DNHD1: variants seen among roughly 807,000 people sequenced by gnomAD.
The protein encoded by DNHD1 is dynein heavy chain domain 1.
In DNHD1, 383 loss-of-function variants were observed where a neutral mutation model predicts 458.1. The observed-to-expected ratio is 0.84, with a 90% CI of 0.77 to 0.91. DNHD1 has a LOEUF of 0.91. Among genes scored for constraint, DNHD1 ranks in the 40% least tolerant of loss-of-function variants. The probability of loss-of-function intolerance (pLI) is 0.00; values close to 1 mark genes in which losing one functional copy is unlikely to be tolerated. For synonymous variants in DNHD1, 2,203 were observed against 2,376.9 expected, an observed-to-expected ratio of 0.93 and a Z score of 2.13; for missense variants, 5,336 against 5,866.1, an observed-to-expected ratio of 0.91 and a Z score of 2.95.
chr11:6,568,196 G>T lies in DNHD1; in HGVS notation c.12492G>T (p.Pro4164=). 1.3e-6 allele frequency: 2 copies of T among 1,552,380 alleles called. No homozygotes were observed. Among genetic ancestry groups the T allele is most frequent in the South Asian group, 1.2e-5 (1 of 84,148 alleles). The change falls in exon 37 of 43, where the codon CCG becomes CCT. Residue 4164 remains proline (P), a synonymous_variant. Coordinates refer to ENST00000254579, the MANE Select transcript of DNHD1 (RefSeq NM_144666.3). Reference sequence around the variant, plus strand: ...ACTGTCATCTGATGCCCCATTGGCCGAAAGAGCTGCTACAGCTCTTGCTGG... The same window carrying T: ...ACTGTCATCTGATGCCCCATTGGCCTAAAGAGCTGCTACAGCTCTTGCTGG... ...LDNCHLMPHW[P]KELLQLLLEL... is the part of the protein sequence containing the mutation.
At position 6,557,512 on chromosome 11, in the gene DNHD1, CAG is replaced by C. The variant is rs1400571401; in HGVS notation, c.8220_8221del (p.Arg2740SerfsTer40). 3 of 1,551,564 alleles carry C rather than the reference CAG, an allele frequency of 1.9e-6. No individual in the cohort carries two copies. The highest frequency in any genetic ancestry group is 2.6e-6 in the Non-Finnish European group (3 of 1,146,994). On this transcript the variant is annotated frameshift_variant, in exon 25 of 43. Transcript: ENST00000254579. LOFTEE classifies it high-confidence loss of function. ...EEEPYGLQVARVSNSRDPSLT... is the reference protein window; with the variant it reads ...EEEPYGLQVAXVSNSRDPSLT... ...AGGAACCTTATGGCCTTCAGGTCGCCAGAGTCTCAAACTCCAGAGATCCAAGT... is the reference window on the plus strand; with the variant it reads ...AGGAACCTTATGGCCTTCAGGTCGCCAGTCTCAAACTCCAGAGATCCAAGT...
At chr11:6,538,234 C>T (rs1347546306) in intron 14 of DNHD1, 149 bp from the exon 15 acceptor site, 1 of 653,598 alleles carries the variant, frequency 1.5e-6, no homozygotes, top group Non-Finnish European at 2.7e-6. Context: ...CATTGTTGAG[C>T]CAAACAATTT....
At position 6,571,176 on chromosome 11, in the gene DNHD1, TGTC is replaced by T; in HGVS notation, c.13666_13668del (p.Ser4556del). The T allele has an allele frequency of 6.2e-7, 1 of 1,604,446 alleles. No homozygotes were observed. Among genetic ancestry groups the T allele is most frequent in the Non-Finnish European group, 8.5e-7 (1 of 1,175,424 alleles). On this transcript the variant is annotated inframe_deletion, in exon 42 of 43. Transcript: ENST00000254579. This position sits in a 1 kb window ranked among gnomAD's most constrained non-coding sequence, Gnocchi z 5.0. ...CCGCCCTGGCACTGGCTGCGACAGT[TGTC>T]GCGCCGTGGGCAACTGTTGGTTCGT... is the stretch of plus-strand genomic sequence containing the variant.
intron 29 of DNHD1, 96 bp downstream of exon 29, chr11:6,563,227 A>G: frequency 1.3e-6 from 2 of 1,536,872 alleles, no homozygotes; most frequent in East Asian, 4.9e-5. Context: ...GTGACTCATC[A>G]TGGAATCTCC....
At chr11:6,566,072 C>G in intron 33 of DNHD1, 81 bp downstream of exon 33, 1 of 1,492,238 alleles carries the variant, frequency 6.7e-7, no homozygotes. Flanking sequence ...ACACCTCAGT[C>G]TAACTTCAGT....
Position 6,564,060 on chromosome 11 carries a change from A to G in DNHD1, c.10220A>G (p.Tyr3407Cys), listed in dbSNP as rs1271353164. ...CTCAGTCAAGCACAGTGTGGGCAGT[A>G]TCACAAATGGCCCATGAAGGCTGCA... Reference protein sequence around the residue: ...KTLSQAQCGQYHKWPMKAALL... With the variant: ...KTLSQAQCGQCHKWPMKAALL... The change falls in exon 31 of 43, where the codon TAT (tyrosine) becomes TGT (cysteine). Residue 3407 changes from tyrosine (Y) to cysteine (C), a missense_variant. By Grantham distance (194) the Tyr-to-Cys change is radical. Around this residue, in one of 4 missense-constraint regions of DNHD1, gnomAD observed 3,932 missense variants for 4,365.6 expected, o/e 0.90. Coordinates refer to ENST00000254579, the MANE Select transcript of DNHD1 (RefSeq NM_144666.3). 2.6e-6 allele frequency: 4 copies of G among 1,551,700 alleles called. No homozygotes were observed. The South Asian group carries it at 4.8e-5, about 18-fold the overall frequency.
chr11:6,530,575 C>T (rs1422799951), intron 12 of DNHD1, among the ~76,000 whole-genome samples: 4 of 152,174 alleles, frequency 2.6e-5, no homozygotes, highest in Non-Finnish European at 5.9e-5. Flanking sequence ...CTGTTGGACC[C>T]GTGGCTTCCC....
At position 6,563,241 on chromosome 11, in the gene DNHD1, G is replaced by A. The variant is rs913640165; in HGVS notation, c.9669+110G>A. The A allele has an allele frequency of 2.6e-6, 4 of 1,525,402 alleles. No homozygotes were observed. In the African/African-American group the frequency reaches 5.5e-5, roughly 21 times the overall value. 94.5% of individuals were successfully genotyped at this position (1,525,402 alleles called of 1,614,324 possible). On this transcript the variant is annotated intron_variant, in intron 29 of 42. Coordinates refer to ENST00000254579, the MANE Select transcript of DNHD1 (RefSeq NM_144666.3). The stretch of plus-strand genomic sequence containing the variant: ...AGTGACTCATCATGGAATCTCCTGG[G>A]GGGAGGGGACAAAGGTAATAGGATG...
chr11:6,509,394 C>T, intron 6 of DNHD1, 122 bp downstream of exon 6: 1 of 770,416 alleles, frequency 1.3e-6, no homozygotes, highest in Non-Finnish European at 2.0e-6. Flanking sequence ...ACCTTTAATC[C>T]TACCAACCAC....
At position 6,571,220 on chromosome 11, in the gene DNHD1, G is replaced by A. The variant is rs368148397; in HGVS notation, c.13708G>A (p.Ala4570Thr). ...QLLVRYLGVGADASSDVPERV... is the reference protein window; with the variant it reads ...QLLVRYLGVGTDASSDVPERV... The stretch of plus-strand genomic sequence containing the variant: ...GTTGGTTCGTTACTTGGGCGTGGGC[G>A]CGGACGCGAGCAGTGATGTACCAGA... Residue 4570 changes from alanine (A) to threonine (T), a missense_variant, in exon 42 of 43, where the codon GCG becomes ACG. Around this residue, in one of 4 missense-constraint regions of DNHD1, gnomAD observed 698 missense variants for 664.9 expected, o/e 1.05. Transcript: ENST00000254579. This position sits in a 1 kb window ranked among gnomAD's most constrained non-coding sequence, Gnocchi z 5.0. 3.1e-6 allele frequency: 5 copies of A among 1,610,076 alleles called. No individual in the cohort carries two copies. In the South Asian group the frequency reaches 3.3e-5, roughly 11 times the overall value.
chr11:6,570,116 T>C lies in DNHD1; in HGVS notation c.12955+16T>C. ...GAGCTGGCTGGTGAGACCCTTCCTC[T>C]CCCCCTTGGAGTCATCAGCCCCCAG... is the stretch of plus-strand genomic sequence containing the variant. On this transcript the variant is annotated intron_variant, in intron 40 of 42. Coordinates refer to ENST00000254579, the MANE Select transcript of DNHD1 (RefSeq NM_144666.3). 6.2e-7 allele frequency: 1 copy of C among 1,612,414 alleles called. No individual in the cohort carries two copies. Among genetic ancestry groups the C allele is most frequent in the Non-Finnish European group, 8.5e-7 (1 of 1,179,410 alleles).
Position 6,498,776 on chromosome 11 carries a change from A to C in DNHD1, c.561A>C (p.Pro187=). 6.2e-7 allele frequency: 1 copy of C among 1,614,218 alleles called. No homozygotes were observed. Residue 187 remains proline, a synonymous_variant, in exon 3 of 43, where the codon CCA becomes CCC. Transcript: ENST00000254579. Reference sequence around the variant, plus strand: ...AGGAGCTGGCCACCTGGCTGCGACCATTGACACTGCCTGAGCTACAGCGCT... The same window carrying C: ...AGGAGCTGGCCACCTGGCTGCGACCCTTGACACTGCCTGAGCTACAGCGCT... ...VKEELATWLR[P]LTLPELQRCL...
intron 4 of DNHD1, chr11:6,503,866 A>G (rs773277815): frequency 5.9e-5 from 9 of 152,224 alleles, no homozygotes; most frequent in Admixed American, 1.3e-4. Flanking sequence ...ACTCTTCAAT[A>G]TATTAGGCAT....
Position 6,570,612 on chromosome 11 carries a change from C to CAT in DNHD1, c.13106-6_13106-5insAT. On this transcript the variant is annotated splice_region_variant and splice_polypyrimidine_tract_variant and intron_variant, in intron 41 of 42. Transcript: ENST00000254579. ...TTGTCCCTCACCCCTCACCTCTATC[C>CAT]CCAAGAGCTAAGGGAGCTGGATGCA... The CAT allele has an allele frequency of 1.9e-6, 3 of 1,596,244 alleles. No homozygotes were observed. The highest frequency in any genetic ancestry group is 2.3e-5 in the South Asian group (2 of 88,378).
In DNHD1 at chr11:6,539,920, AC is replaced by A. The variant is rs1174575232; in HGVS notation, c.3466del (p.Arg1156GlyfsTer43). ...AACGAATTCATGCCCAAGAGACTAT[AC>A]GGCGGTTGCAGCGGTACTGGGAAGC... is the stretch of plus-strand genomic sequence containing the variant. Reference protein sequence around the residue: ...NERIHAQETIRRLQRYWEARQ... With the variant: ...NERIHAQETIXRLQRYWEARQ... On this transcript the variant is annotated frameshift_variant, in exon 18 of 43. Coordinates refer to ENST00000254579, the MANE Select transcript of DNHD1 (RefSeq NM_144666.3). 1.3e-6 allele frequency: 2 copies of A among 1,551,602 alleles called. No individual in the cohort carries two copies. The highest frequency in any genetic ancestry group is 1.7e-6 in the Non-Finnish European group (2 of 1,146,996).
In DNHD1 at chr11:6,498,758, G is replaced by A. The variant is rs1160296870; in HGVS notation, c.543G>A (p.Leu181=). The change falls in exon 3 of 43, where the codon CTG becomes CTA. Residue 181 remains leucine, a synonymous_variant. Transcript: ENST00000254579. The part of the protein sequence containing the change: ...QWSRQQVKEE[L]ATWLRPLTLP... ...GCAGGCAGCAAGTAAAGGAGGAGCT[G>A]GCCACCTGGCTGCGACCATTGACAC... 2 of 1,614,178 alleles carry A rather than the reference G, an allele frequency of 1.2e-6. No homozygotes were observed. The highest frequency in any genetic ancestry group is 1.7e-6 in the Non-Finnish European group (2 of 1,180,010).
chr11:6,531,602 A>G (rs1289840159), intron 12 of DNHD1, among the ~76,000 whole-genome samples: 1 of 152,236 alleles, frequency 6.6e-6, no homozygotes, highest in Admixed American at 6.5e-5. Flanking sequence ...CCAAAGGGAC[A>G]GTGTGAAAAA....
chr11:6,546,007 G>A lies in DNHD1; in HGVS notation c.5068G>A (p.Gly1690Ser), dbSNP rs1589885370. 2.6e-6 allele frequency: 4 copies of A among 1,551,774 alleles called. No individual in the cohort carries two copies. The highest frequency in any genetic ancestry group is 1.7e-4 in the Middle Eastern group (1 of 5,992). Residue 1690 changes from glycine (G) to serine (S), a missense_variant, in exon 21 of 43, where the codon GGT (glycine) becomes AGT (serine). This residue lies in a region of DNHD1 where 3,932 missense variants were observed against 4,365.6 expected (regional missense o/e 0.90). Coordinates refer to ENST00000254579, the MANE Select transcript of DNHD1 (RefSeq NM_144666.3). ...CTGTGGGACCGTACTGGGTCCTAAT[G>A]GTGTGGGCAAGAGAGCTATAGTGAA... Reference protein sequence around the residue: ...VACGTVLGPNGVGKRAIVNSL... With the variant: ...VACGTVLGPNSVGKRAIVNSL...
chr11:6,543,985 A>AT, intron 18 of DNHD1, 136 bp from the exon 19 acceptor site: 2 of 477,404 alleles, frequency 4.2e-6, no homozygotes, highest in East Asian at 3.9e-5. Flanking sequence ...AAAAAAAAAA[A>AT]GGGAAAGAAA....
Sources: allele counts gnomAD v4.1 joint callset (sites outside exome capture counted in the v4.1 genomes callset), GRCh38; gene constraint gnomAD v4.1.1; regional missense constraint gnomAD v4.1.1; non-coding constraint Gnocchi (gnomAD v3.1); transcripts MANE v1.5; gene names NCBI Gene and HGNC (gene_info 2026-07-23, HGNC 2026-07-21).